LRRTM4: variants seen among roughly 807,000 people sequenced by gnomAD.
LRRTM4 encodes the protein leucine rich repeat transmembrane neuronal 4.
LRRTM4 carries 25 observed loss-of-function variants against 47.6 expected under a neutral mutation model. The ratio of observed to expected loss-of-function variants is 0.53; its 90% confidence interval spans 0.38 to 0.73. LRRTM4 has a LOEUF of 0.73. Ranked by LOEUF, LRRTM4 falls within the 30% of genes least tolerant of loss-of-function variation. LRRTM4 has a pLI of 0.00. For missense variants in LRRTM4, 638 were observed against 713.4 expected, an observed-to-expected ratio of 0.89 and a Z score of 1.20; for synonymous variants, 311 against 269.5, an observed-to-expected ratio of 1.15 and a Z score of -1.51.
At chr2:76,913,228 T>C (rs965943030) in intron 3 of LRRTM4, among the ~76,000 whole-genome samples, 6 of 152,168 alleles carry the variant, frequency 3.9e-5, no homozygotes, top group Non-Finnish European at 5.9e-5. Flanking sequence ...GAGATACAGA[T>C]GTTATATATT....
chr2:77,258,984 T>C (rs1053163594), intron 3 of LRRTM4, among the ~76,000 whole-genome samples: 3 of 152,068 alleles, frequency 2.0e-5, no homozygotes, highest in African/African-American at 7.2e-5. Flanking sequence ...GAGCAGGGAA[T>C]ATGGATTTTT....
At chr2:76,919,028 A>G (rs750998801) in intron 3 of LRRTM4, among the ~76,000 whole-genome samples, 1 of 152,190 alleles carries the variant, frequency 6.6e-6, no homozygotes, top group Non-Finnish European at 1.5e-5. Context: ...GACAAAATTC[A>G]GGAGAAACTA....
chr2:76,985,635 G>A (rs1676768029), intron 3 of LRRTM4, among the ~76,000 whole-genome samples: 1 of 151,956 alleles, frequency 6.6e-6, no homozygotes, highest in South Asian at 2.1e-4. Flanking sequence ...ATGATTTGAA[G>A]TTTTTGTTAA....
chr2:77,405,215 T>TGCAAAAAAA (rs1573369516), intron 3 of LRRTM4, among the ~76,000 whole-genome samples: 1 of 152,110 alleles, frequency 6.6e-6, no homozygotes, highest in East Asian at 1.9e-4. Context: ...ATTAATACTA[T>TGCAAAAAAA]TCATTTTGAT....
At chr2:77,355,391 G>C (rs1167539522) in intron 3 of LRRTM4, among the ~76,000 whole-genome samples, 2 of 152,140 alleles carry the variant, frequency 1.3e-5, no homozygotes, top group South Asian at 4.1e-4. Context: ...TCATAGGGTT[G>C]CTTTGAGGAC....
At chr2:76,802,633 G>C (rs1675760213) in intron 3 of LRRTM4, among the ~76,000 whole-genome samples, 1 of 151,998 alleles carries the variant, frequency 6.6e-6, no homozygotes, top group African/African-American at 2.4e-5. Context: ...TGGAACCCTA[G>C]AAGATCCCAA....
chr2:77,475,875 G>A (rs1194153584), intron 3 of LRRTM4, among the ~76,000 whole-genome samples: 1 of 151,630 alleles, frequency 6.6e-6, no homozygotes. Context: ...CCCTCAGATT[G>A]CCTGTTTACA....
intron 3 of LRRTM4, among the ~76,000 whole-genome samples, chr2:76,888,878 C>T (rs1193594607): frequency 1.3e-5 from 2 of 151,924 alleles, no homozygotes; most frequent in Admixed American, 6.6e-5. Flanking sequence ...GGCTAGCTTT[C>T]GCCTTTTTAA....
At chr2:76,944,217 T>G (rs1195748723) in intron 3 of LRRTM4, among the ~76,000 whole-genome samples, 2 of 152,110 alleles carry the variant, frequency 1.3e-5, no homozygotes, top group Admixed American at 1.3e-4. Context: ...CTGTCACTAC[T>G]CCTGGAATCA....
chr2:76,929,292 C>T (rs1320470466), intron 3 of LRRTM4, among the ~76,000 whole-genome samples: 3 of 152,132 alleles, frequency 2.0e-5, no homozygotes, highest in Non-Finnish European at 4.4e-5. Context: ...CGCAAACTAA[C>T]GCCCATGAAC....
At chr2:77,049,122 TTATATATATATATATATA>T (rs3058032) in intron 3 of LRRTM4, among the ~76,000 whole-genome samples, 3 of 62,698 alleles carry the variant, frequency 4.8e-5, no homozygotes, top group African/African-American at 8.8e-5. Context: ...ATTTCATTTT[TTATATATATATATATATA>T]TATATATATA....
chr2:77,315,109 G>T (rs1350384289), intron 3 of LRRTM4, among the ~76,000 whole-genome samples: 1 of 152,136 alleles, frequency 6.6e-6, no homozygotes, highest in Non-Finnish European at 1.5e-5. Flanking sequence ...ATCGTAAGGA[G>T]AGAAGCATCT....
At chr2:77,088,972 T>C (rs1215212426) in intron 3 of LRRTM4, among the ~76,000 whole-genome samples, 2 of 152,092 alleles carry the variant, frequency 1.3e-5, no homozygotes, top group East Asian at 1.9e-4. Flanking sequence ...AGACACGTTT[T>C]ATCCGTGGAC....
Position 76,843,204 on chromosome 2 carries a change from G to C in LRRTM4, c.1552-94288C>G, listed in dbSNP as rs1185810174. Among the ~76,000 whole-genome samples the C allele has an allele frequency of 2.0e-5, 3 of 152,150 alleles. No individual in the cohort carries two copies. The East Asian group carries it at 5.8e-4, about 29-fold the overall frequency. ...AACAATCTACAAAGGCCAGAGAAGA[G>C]AGAGGAAACAAGGGAGGAGTCAGAA... On this transcript the variant is annotated intron_variant, in intron 3 of 3. Transcript: ENST00000409884.
chr2:77,248,005 G>T (rs1180483839), intron 3 of LRRTM4, among the ~76,000 whole-genome samples: 1 of 150,392 alleles, frequency 6.6e-6, no homozygotes, highest in Non-Finnish European at 1.5e-5. Flanking sequence ...TCCTTTGTAA[G>T]CTGGTTATAC....
intron 3 of LRRTM4, among the ~76,000 whole-genome samples, chr2:76,859,455 G>A (rs1461021867): frequency 6.6e-6 from 1 of 151,994 alleles, no homozygotes; most frequent in Non-Finnish European, 1.5e-5. Context: ...TATTGCTTTT[G>A]AATGGAAAAA....
chr2:76,772,586 C>T (rs1282069546), intron 3 of LRRTM4, among the ~76,000 whole-genome samples: 2 of 152,014 alleles, frequency 1.3e-5, no homozygotes, highest in Admixed American at 6.5e-5. Context: ...TTTTTTTGGC[C>T]TATAAGCCCC....
intron 3 of LRRTM4, among the ~76,000 whole-genome samples, chr2:76,974,159 T>TATATATATACATAC (rs1371804762): frequency 3.0e-5 from 4 of 132,780 alleles, no homozygotes; most frequent in Non-Finnish European, 6.3e-5. Context: ...TACATACATA[T>TATATATATACATAC]ATATATATAC....
rs954588244 is a variant in LRRTM4 at position 77,514,591 on chromosome 2, C to T, written c.1551+3727G>A. 3.3e-5 allele frequency among the ~76,000 whole-genome samples: 5 copies of T among 152,070 alleles called. No homozygotes were observed. In the South Asian group the frequency reaches 1.0e-3, roughly 32 times the overall value. On this transcript the variant is annotated intron_variant, in intron 3 of 3. Transcript: ENST00000409884. ...ATATTGTCACCTTTACTGCCATTTT[C>T]CTAATAGCAGCACTGTTAGCACTAT... is the stretch of plus-strand genomic sequence containing the variant.
Sources: gnomAD v4.1 joint callset for allele counts (sites outside exome capture counted in the v4.1 genomes callset) on GRCh38, gnomAD v4.1.1 for gene constraint, MANE v1.5 for transcripts, NCBI Gene and HGNC (gene_info 2026-07-23, HGNC 2026-07-21) for gene names.